The following FOXP2 variants were observed in gnomAD, a reference collection of about 807,000 sequenced individuals.
The protein encoded by FOXP2 is forkhead box P2.
In FOXP2, 12 loss-of-function variants were observed where a neutral mutation model predicts 115.8. That is an observed-to-expected ratio of 0.10 (90% CI 0.07 to 0.17). The LOEUF is 0.17. FOXP2 is among the 10% of genes least tolerant of loss of function. The pLI is 1.00. For synonymous variants in FOXP2, 328 were observed against 297.7 expected, an observed-to-expected ratio of 1.10 and a Z score of -1.05; for missense variants, 629 against 843.5, an observed-to-expected ratio of 0.75 and a Z score of 3.15.
At chr7:114,327,850 T>TGATACCATACCATTTTTCAC (rs1214231933) in intron 2 of FOXP2, among the ~76,000 whole-genome samples, 1 of 151,580 alleles carries the variant, frequency 6.6e-6, no homozygotes, top group African/African-American at 2.4e-5. Flanking sequence ...TTTCTTTTCA[T>TGATACCATACCATTTTTCAC]GATACCATAC....
intron 2 of FOXP2, among the ~76,000 whole-genome samples, chr7:114,446,703 C>T (rs982704257): frequency 6.6e-6 from 1 of 151,496 alleles, no homozygotes; most frequent in African/African-American, 2.4e-5. Flanking sequence ...TTAATAATTT[C>T]ATATCCCCCG....
intron 3 of FOXP2, among the ~76,000 whole-genome samples, chr7:114,595,015 A>G (rs1021411505): frequency 3.3e-5 from 5 of 152,012 alleles, no homozygotes; most frequent in South Asian, 2.1e-4. Flanking sequence ...TTCACCCTTT[A>G]AGACTGTTTA....
chr7:114,111,074 C>T (rs528832971), intron 1 of FOXP2, among the ~76,000 whole-genome samples: 2 of 152,072 alleles, frequency 1.3e-5, no homozygotes, highest in African/African-American at 2.4e-5. Flanking sequence ...GAAGAAGTAA[C>T]AGCCCTGTTA....
chr7:114,193,776 G>T (rs1562999885), intron 1 of FOXP2, among the ~76,000 whole-genome samples: 1 of 152,064 alleles, frequency 6.6e-6, no homozygotes, highest in South Asian at 2.1e-4. Flanking sequence ...AATTCAGTTT[G>T]TCGGTATGGT....
chr7:114,417,037 A>G (rs2129200714), intron 1 of FOXP2, among the ~76,000 whole-genome samples: 1 of 152,056 alleles, frequency 6.6e-6, no homozygotes, highest in East Asian at 1.9e-4. Flanking sequence ...ATTATTCATG[A>G]AGGCAAGTAA....
intron 1 of FOXP2, among the ~76,000 whole-genome samples, chr7:114,156,391 C>G (rs914110995): frequency 1.3e-5 from 2 of 152,134 alleles, no homozygotes; most frequent in Non-Finnish European, 2.9e-5. Context: ...GAGGCTTCAT[C>G]TGCATGATAA....
chr7:114,426,451 G>T, intron 1 of FOXP2, 51 bp from the exon 2 acceptor site: 1 of 1,541,170 alleles, frequency 6.5e-7, no homozygotes, highest in Non-Finnish European at 9.0e-7. Flanking sequence ...CTTGATAATG[G>T]AAGTGTGAAG....
At chr7:114,380,960 C>T (rs1792275787) in intron 2 of FOXP2, among the ~76,000 whole-genome samples, 1 of 152,166 alleles carries the variant, frequency 6.6e-6, no homozygotes, top group Admixed American at 6.5e-5. Context: ...AAAAGTCTTG[C>T]CCCATTGGCA....
At chr7:114,270,654 T>C (rs1445401867) in intron 1 of FOXP2, among the ~76,000 whole-genome samples, 1 of 152,188 alleles carries the variant, frequency 6.6e-6, no homozygotes, top group African/African-American at 2.4e-5. Flanking sequence ...CAGTTTTTAA[T>C]TGAGTTTTTT....
chr7:114,178,104 G>T (rs1323474298), intron 1 of FOXP2, among the ~76,000 whole-genome samples: 1 of 151,808 alleles, frequency 6.6e-6, no homozygotes, highest in Non-Finnish European at 1.5e-5. Flanking sequence ...ACAGTATTAT[G>T]CAAAGCTTAA....
intron 1 of FOXP2, among the ~76,000 whole-genome samples, chr7:114,188,998 G>A (rs1793687113): frequency 6.6e-6 from 1 of 152,080 alleles, no homozygotes. Flanking sequence ...ACAGTTGAAT[G>A]CTTTAATCTC....
chr7:114,281,018 G>A (rs1796322172), intron 1 of FOXP2, among the ~76,000 whole-genome samples: 1 of 151,218 alleles, frequency 6.6e-6, no homozygotes, highest in South Asian at 2.1e-4. Flanking sequence ...CTCTCTAGCA[G>A]ATCATAAACT....
intron 3 of FOXP2, among the ~76,000 whole-genome samples, chr7:114,591,192 A>G (rs1802420172): frequency 1.3e-5 from 2 of 152,150 alleles, no homozygotes; most frequent in Non-Finnish European, 2.9e-5. Flanking sequence ...GACATTGGAC[A>G]CCGATTACCT....
chr7:114,496,316 A>G (rs1163609986), intron 2 of FOXP2, among the ~76,000 whole-genome samples: 1 of 152,162 alleles, frequency 6.6e-6, no homozygotes, highest in Admixed American at 6.5e-5. Flanking sequence ...ATGGGGAAAA[A>G]TATTAATTGT....
At chr7:114,518,136 G>A (rs1308858183) in intron 2 of FOXP2, among the ~76,000 whole-genome samples, 1 of 151,980 alleles carries the variant, frequency 6.6e-6, no homozygotes, top group Non-Finnish European at 1.5e-5. Context: ...GTAACCCATG[G>A]AAAGGACTTC....
chr7:114,325,577 T>C (rs1193482015), intron 2 of FOXP2, among the ~76,000 whole-genome samples: 1 of 151,948 alleles, frequency 6.6e-6, no homozygotes, highest in Non-Finnish European at 1.5e-5. Context: ...ATCTGTTCTA[T>C]CTTAAAGAGT....
intron 2 of FOXP2, among the ~76,000 whole-genome samples, chr7:114,321,539 C>A (rs552638197): frequency 1.3e-5 from 2 of 152,078 alleles, no homozygotes; most frequent in African/African-American, 4.8e-5. Context: ...AAAAATAGTT[C>A]CCATTCTACT....
intron 2 of FOXP2, among the ~76,000 whole-genome samples, chr7:114,329,769 A>T (rs1236669524): frequency 1.3e-5 from 2 of 151,838 alleles, no homozygotes; most frequent in Non-Finnish European, 2.9e-5. Flanking sequence ...CTCCGCCTCC[A>T]GTGCTCAAGC....
At chr7:114,652,791 T>G (rs965441096) in intron 9 of FOXP2, among the ~76,000 whole-genome samples, 1 of 152,188 alleles carries the variant, frequency 6.6e-6, no homozygotes, top group Non-Finnish European at 1.5e-5. Flanking sequence ...ATCTTTATAC[T>G]TTTCTTTAGC....
Sources: gnomAD v4.1 joint callset for allele counts (sites outside exome capture counted in the v4.1 genomes callset) on GRCh38, gnomAD v4.1.1 for gene constraint, MANE v1.5 for transcripts, NCBI Gene and HGNC (gene_info 2026-07-23, HGNC 2026-07-21) for gene names.